CALU: variants seen among roughly 807,000 people sequenced by gnomAD.
CALU encodes IEF SSP 9302.
Under a neutral mutation model 37.5 loss-of-function variants are expected in CALU, and 13 were observed. The ratio of observed to expected loss-of-function variants is 0.35; its 90% CI spans 0.23 to 0.55. The LOEUF is 0.55. Ranked by LOEUF, CALU falls within the 20% of genes least tolerant of loss-of-function variation. The pLI is 0.89. For synonymous variants in CALU, 114 were observed against 133.8 expected, an observed-to-expected ratio of 0.85 and a Z score of 1.02; for missense variants, 282 against 391.7, an observed-to-expected ratio of 0.72 and a Z score of 2.36.
Position 128,758,878 on chromosome 7 carries a change from A to G in CALU, c.423A>G (p.Pro141=). 4.3e-6 allele frequency: 7 copies of G among 1,612,360 alleles called. No individual in the cohort carries two copies. Among genetic ancestry groups the G allele is most frequent in the Non-Finnish European group, 5.9e-6 (7 of 1,179,012 alleles). Residue 141 remains proline, a synonymous_variant, in exon 4 of 7, where the codon CCA becomes CCG. Transcript: ENST00000249364. The part of the protein sequence containing the change: ...NATYGYVLDD[P]DPDDGFNYKQ... ...TAAATTTTTGTTTTCTAGATGATCC[A>G]GATCCTGATGATGGATTTAACTATA...
chr7:128,764,537 C>T lies in CALU; in HGVS notation c.644-2919C>T, dbSNP rs753199962. The stretch of plus-strand genomic sequence containing the variant: ...GATACCATAGCAACTTCTTACCTGC[C>T]GTCTTTCATATGAATAATTTGGACA... On this transcript the variant is annotated intron_variant, in intron 5 of 6. Transcript: ENST00000249364. 4.6e-5 allele frequency among the ~76,000 whole-genome samples: 7 copies of T among 152,114 alleles called. No individual in the cohort carries two copies. The South Asian group carries it at 1.2e-3, about 27-fold the overall frequency.
In CALU at chr7:128,769,107, A is replaced by G; in HGVS notation, c.888A>G (p.Leu296=). ...TKEEIVDKYD[L]FVGSQATDFG... is the part of the protein sequence containing the mutation. ...AGGAGATCGTTGACAAGTATGACTTATTTGTTGGCAGCCAGGCCACAGATT... is the reference window on the plus strand; with the variant it reads ...AGGAGATCGTTGACAAGTATGACTTGTTTGTTGGCAGCCAGGCCACAGATT... The change falls in exon 7 of 7, where the codon TTA becomes TTG. Residue 296 remains leucine (L), a synonymous_variant. Coordinates refer to ENST00000249364, the MANE Select transcript of CALU (RefSeq NM_001219.5). 1 of 1,613,586 alleles carries G rather than the reference A, an allele frequency of 6.2e-7. No individual in the cohort carries two copies. Among genetic ancestry groups the G allele is most frequent in the Non-Finnish European group, 8.5e-7 (1 of 1,179,558 alleles).
At chr7:128,747,992 GAGACT>G in intron 1 of CALU, 1 of 187,178 alleles carries the variant, frequency 5.3e-6, no homozygotes, top group South Asian at 1.4e-4. Context: ...CTGGATGTTG[GAGACT>G]TGGTGCTATA....
At chr7:128,767,050 T>C (rs1486321686) in intron 5 of CALU, among the ~76,000 whole-genome samples, 3 of 152,222 alleles carry the variant, frequency 2.0e-5, no homozygotes, top group African/African-American at 2.4e-5. Flanking sequence ...TTGTCCCAAC[T>C]GAAGGCCACT....
intron 3 of CALU, chr7:128,754,768 A>C: frequency 1.6e-6 from 2 of 1,258,334 alleles, no homozygotes; most frequent in Non-Finnish European, 2.2e-6. Context: ...GTCTTGAGTC[A>C]AAGAAACAAA....
chr7:128,755,309 C>CAAAAAAAA lies in CALU; in HGVS notation c.415+871_415+878dup, dbSNP rs59208090. 1.9e-4 allele frequency among the ~76,000 whole-genome samples: 10 copies of CAAAAAAAA among 51,522 alleles called. 1 individual carries two copies. Among genetic ancestry groups the CAAAAAAAA allele is most frequent in the East Asian group, 9.2e-4 (1 of 1,088 alleles). 33.8% of individuals were successfully genotyped at this position (51,522 alleles called of 152,430 possible). A position where few individuals can be genotyped will look rare whatever the true frequency, so the allele number is the denominator to read the frequency against. On this transcript the variant is annotated intron_variant, in intron 3 of 6. Coordinates refer to ENST00000249364, the MANE Select transcript of CALU (RefSeq NM_001219.5). Reference sequence around the variant, plus strand: ...CCTTGGGGACAGAGCGAGCTCTGTCCAAAAAAAAAAAAAAAAAAAAAAAAG... The same window carrying CAAAAAAAA: ...CCTTGGGGACAGAGCGAGCTCTGTCCAAAAAAAAAAAAAAAAAAAAAAAAAAAAAAAAG...
chr7:128,742,156 G>C (rs894066125), intron 1 of CALU, among the ~76,000 whole-genome samples: 2 of 152,192 alleles, frequency 1.3e-5, no homozygotes, highest in Non-Finnish European at 2.9e-5. Context: ...TCACTTTTAT[G>C]TGATAGTCCA....
chr7:128,748,004 T>C (rs1314248101), intron 1 of CALU: 1 of 194,434 alleles, frequency 5.1e-6, no homozygotes, highest in Non-Finnish European at 1.0e-5. Context: ...GACTTGGTGC[T>C]ATAGACCAAG....
intron 6 of CALU, 48 bp downstream of exon 6, chr7:128,767,703 T>G: frequency 6.9e-7 from 1 of 1,450,270 alleles, no homozygotes; most frequent in Non-Finnish European, 9.6e-7. Flanking sequence ...GAAGTATGCT[T>G]CTAGGGGATC....
rs545093905 is a variant in CALU, at chr7:128,772,605, C to T, written c.*3438C>T. 5 of 1,614,050 alleles carry T rather than the reference C, an allele frequency of 3.1e-6. No homozygotes were observed. Among genetic ancestry groups the T allele is most frequent in the South Asian group, 2.2e-5 (2 of 91,090 alleles). On this transcript the variant is annotated 3_prime_UTR_variant, in exon 7 of 7. Transcript: ENST00000249364. ...TCTGTTTTCTGGGAGCTGCATGTGT[C>T]GGATTCATCTGTCATGGCCTTCCCA...
chr7:128,750,939 C>T (rs935476792), intron 2 of CALU, among the ~76,000 whole-genome samples: 1 of 152,076 alleles, frequency 6.6e-6, no homozygotes, highest in Admixed American at 6.5e-5. Context: ...GACAAATAGG[C>T]GATTTTATGT....
chr7:128,740,441 GTTAAA>G (rs1325404471), intron 1 of CALU, among the ~76,000 whole-genome samples: 2 of 151,398 alleles, frequency 1.3e-5, no homozygotes, highest in Non-Finnish European at 2.9e-5. Flanking sequence ...TGGAATCTCT[GTTAAA>G]TTAGTCTGCC....
rs551486598 is a variant in CALU, at chr7:128,747,051, AGCCACTGC to A, written c.-11-1518_-11-1511del. Among the ~76,000 whole-genome samples the A allele has an allele frequency of 2.8e-4, 42 of 152,252 alleles. No homozygotes were observed. The East Asian group carries it at 7.5e-3, about 27-fold the overall frequency. Reference sequence around the variant, plus strand: ...CCAGTGTGCTGGGATTACAAGCATGAGCCACTGCGCCCGGCCCATTCTTTTTAACCTTT... The same window carrying A: ...CCAGTGTGCTGGGATTACAAGCATGAGCCCGGCCCATTCTTTTTAACCTTT... On this transcript the variant is annotated intron_variant, in intron 1 of 6. Coordinates refer to ENST00000249364, the MANE Select transcript of CALU (RefSeq NM_001219.5).
Position 128,769,714 on chromosome 7 carries a change from A to T in CALU, c.*547A>T, listed in dbSNP as rs1034716576. Reference sequence around the variant, plus strand: ...GGGCCACATATTACATTCAGTTGCTATAGGTCCAGCAACTGAACCTGCCAT... The same window carrying T: ...GGGCCACATATTACATTCAGTTGCTTTAGGTCCAGCAACTGAACCTGCCAT... On this transcript the variant is annotated 3_prime_UTR_variant, in exon 7 of 7. Coordinates refer to ENST00000249364, the MANE Select transcript of CALU (RefSeq NM_001219.5). The T allele has an allele frequency of 6.6e-6, 1 of 152,278 alleles. No homozygotes were observed. Among genetic ancestry groups the T allele is most frequent in the Non-Finnish European group, 1.5e-5 (1 of 68,094 alleles). 9.4% of individuals were successfully genotyped at this position (152,278 alleles called of 1,614,324 possible).
intron 1 of CALU, among the ~76,000 whole-genome samples, chr7:128,742,979 G>A (rs1800296577): frequency 6.6e-6 from 1 of 152,158 alleles, no homozygotes; most frequent in Non-Finnish European, 1.5e-5. Flanking sequence ...ATTTTCAGGT[G>A]AAAATCTAAA....
chr7:128,746,970 G>A (rs559256234), intron 1 of CALU, among the ~76,000 whole-genome samples: 24 of 151,834 alleles, frequency 1.6e-4, no homozygotes, highest in African/African-American at 5.3e-4. Flanking sequence ...GGGTTTTACC[G>A]TGTTAGCCAG....
intron 1 of CALU, among the ~76,000 whole-genome samples, chr7:128,746,444 C>T (rs1467432272): frequency 6.6e-6 from 1 of 152,036 alleles, no homozygotes; most frequent in East Asian, 1.9e-4. Flanking sequence ...AGGCATGAGC[C>T]ACCATGCCTG....
chr7:128,772,606 G>T lies in CALU; in HGVS notation c.*3439G>T. 1 of 1,614,110 alleles carries T rather than the reference G, an allele frequency of 6.2e-7. No individual in the cohort carries two copies. The highest frequency in any genetic ancestry group is 8.5e-7 in the Non-Finnish European group (1 of 1,179,994). On this transcript the variant is annotated 3_prime_UTR_variant, in exon 7 of 7. Transcript: ENST00000249364. Reference sequence around the variant, plus strand: ...CTGTTTTCTGGGAGCTGCATGTGTCGGATTCATCTGTCATGGCCTTCCCAC... The same window carrying T: ...CTGTTTTCTGGGAGCTGCATGTGTCTGATTCATCTGTCATGGCCTTCCCAC...
chr7:128,759,407 G>A lies in CALU; in HGVS notation c.582+370G>A, dbSNP rs139755455. On this transcript the variant is annotated intron_variant, in intron 4 of 6. Transcript: ENST00000249364. ...TGATACTAAAGAACTCTCACAGAAGGCAGTTACTGACAACATAGACTATCT... is the reference window on the plus strand; with the variant it reads ...TGATACTAAAGAACTCTCACAGAAGACAGTTACTGACAACATAGACTATCT... Among the ~76,000 whole-genome samples, 130 of 152,240 alleles carry A rather than the reference G, an allele frequency of 8.5e-4. 3 individuals carry two copies. In the East Asian group the frequency reaches 0.024, roughly 28 times the overall value.
Sources: gnomAD v4.1 joint callset for allele counts (sites outside exome capture counted in the v4.1 genomes callset) on GRCh38, gnomAD v4.1.1 for gene constraint, MANE v1.5 for transcripts, NCBI Gene and HGNC (gene_info 2026-07-23, HGNC 2026-07-21) for gene names.